SUGCT: variants seen among roughly 807,000 people sequenced by gnomAD.
SUGCT encodes succinyl-CoA:glutarate-CoA transferase, also known as succinyl-CoA:glutarate CoA-transferase.
In SUGCT, 41 loss-of-function variants were observed where a neutral mutation model predicts 55.0. The observed-to-expected ratio is 0.74, with a 90% CI of 0.58 to 0.97. SUGCT has a LOEUF of 0.97. Among genes scored for constraint, SUGCT ranks in the 50% least tolerant of loss-of-function variants. The pLI is 0.00. For missense variants in SUGCT, 568 were observed against 547.8 expected (o/e 1.04, Z -0.37); for synonymous variants, 187 against 200.4 (o/e 0.93, Z 0.56).
intron 12 of SUGCT, among the ~76,000 whole-genome samples, chr7:40,740,474 C>A (rs2128704103): frequency 6.6e-6 from 1 of 150,884 alleles, no homozygotes; most frequent in East Asian, 1.9e-4. Flanking sequence ...TCTAGAACTT[C>A]TAGTAATAAG....
At chr7:40,230,250 T>C (rs1001656374) in intron 6 of SUGCT, among the ~76,000 whole-genome samples, 1 of 152,152 alleles carries the variant, frequency 6.6e-6, no homozygotes, top group Admixed American at 6.5e-5. Context: ...ATGGCATGTA[T>C]AGAGGCCCAG....
intron 12 of SUGCT, among the ~76,000 whole-genome samples, chr7:40,719,777 AGTAGG>A (rs1786220924): frequency 1.3e-5 from 2 of 152,166 alleles, no homozygotes; most frequent in South Asian, 2.1e-4. Context: ...GACGTCACTT[AGTAGG>A]CAGAGCACAC....
At chr7:40,214,224 A>G (rs1787498434) in intron 6 of SUGCT, among the ~76,000 whole-genome samples, 2 of 152,088 alleles carry the variant, frequency 1.3e-5, no homozygotes, top group African/African-American at 4.8e-5. Context: ...TGCCTTCCAG[A>G]CTCTTCTGTC....
At position 40,241,479 on chromosome 7, in the gene SUGCT, T is replaced by C. The variant is rs374796875; in HGVS notation, c.576+3753T>C. On this transcript the variant is annotated intron_variant, in intron 7 of 13. Transcript: ENST00000335693. ...ATGTAATCCCAGCCACCCGGAAGGC[T>C]GAAGCAAGAGAATTGGTTGAACCCG... is the stretch of plus-strand genomic sequence containing the variant. 1.5e-4 allele frequency among the ~76,000 whole-genome samples: 22 copies of C among 149,404 alleles called. No individual in the cohort carries two copies. The South Asian group carries it at 4.6e-3, about 32-fold the overall frequency.
At chr7:40,634,391 G>A (rs1221041327) in intron 12 of SUGCT, among the ~76,000 whole-genome samples, 1 of 152,150 alleles carries the variant, frequency 6.6e-6, no homozygotes, top group Non-Finnish European at 1.5e-5. Flanking sequence ...AAATGATGTG[G>A]CCCAGAGAGG....
At chr7:40,200,024 C>T (rs1786503898) in intron 6 of SUGCT, among the ~76,000 whole-genome samples, 1 of 152,044 alleles carries the variant, frequency 6.6e-6, no homozygotes. Flanking sequence ...GAAGAGAGAA[C>T]CACAGAATTT....
intron 12 of SUGCT, among the ~76,000 whole-genome samples, chr7:40,596,999 G>A (rs1584091829): frequency 6.6e-6 from 1 of 152,288 alleles, no homozygotes; most frequent in Non-Finnish European, 1.5e-5. Flanking sequence ...GCATCCAGTG[G>A]ATGCGAAATG....
At chr7:41,025,098 T>C in the SUGCT span, among the ~76,000 whole-genome samples, 56 of 152,372 alleles carry the variant, frequency 3.7e-4, 1 homozygote, top group South Asian at 0.012. Context: ...GACATAATGC[T>C]ATCTAGTTAC....
intron 7 of SUGCT, among the ~76,000 whole-genome samples, chr7:40,271,995 T>G (rs1792051048): frequency 6.6e-6 from 1 of 151,206 alleles, no homozygotes; most frequent in Admixed American, 6.6e-5. Flanking sequence ...TCCATATTGT[T>G]GCAAATGACA....
At chr7:40,375,343 A>G (rs2151265298) in intron 9 of SUGCT, among the ~76,000 whole-genome samples, 1 of 152,330 alleles carries the variant, frequency 6.6e-6, no homozygotes, top group African/African-American at 2.4e-5. Context: ...CCATCTAATT[A>G]AGGCAAGTCC....
chr7:40,703,143 C>A (rs1388457560), intron 12 of SUGCT, among the ~76,000 whole-genome samples: 2 of 149,108 alleles, frequency 1.3e-5, no homozygotes, highest in Non-Finnish European at 3.0e-5. Flanking sequence ...CAGCTCACTG[C>A]AAACTCCGCC....
intron 12 of SUGCT, among the ~76,000 whole-genome samples, chr7:40,561,645 G>A (rs569554294): frequency 6.7e-6 from 1 of 150,210 alleles, no homozygotes; most frequent in South Asian, 2.1e-4. Context: ...GTGGGGAGGG[G>A]TTCACGGATG....
chr7:40,389,307 G>C (rs10263494), intron 9 of SUGCT, among the ~76,000 whole-genome samples: 5 of 151,966 alleles, frequency 3.3e-5, no homozygotes, highest in African/African-American at 1.2e-4. Context: ...AAATGAGCTG[G>C]GCACGGTGGC....
chr7:40,565,967 TCACACACACACACACACA>T (rs377518526), intron 12 of SUGCT, among the ~76,000 whole-genome samples: 1 of 134,694 alleles, frequency 7.4e-6, no homozygotes, highest in Non-Finnish European at 1.6e-5. Flanking sequence ...ACCTGGCATA[TCACACACACACACACACA>T]CACACACGCA....
the SUGCT span, among the ~76,000 whole-genome samples, chr7:40,898,008 G>T: frequency 2.0e-5 from 3 of 152,076 alleles, no homozygotes; most frequent in South Asian, 4.2e-4. Flanking sequence ...GTTCCCTTCC[G>T]GTGTGAAAGG....
chr7:40,739,368 G>A (rs188074973), intron 12 of SUGCT, among the ~76,000 whole-genome samples: 257 of 152,236 alleles, frequency 1.7e-3, no homozygotes, highest in Non-Finnish European at 2.9e-3. Context: ...TTGGATTGGT[G>A]TTTTTCACTC....
At chr7:40,874,085 G>A in the SUGCT span, among the ~76,000 whole-genome samples, 5 of 152,254 alleles carry the variant, frequency 3.3e-5, no homozygotes, top group Non-Finnish European at 7.3e-5. Flanking sequence ...TTTAGTTAAA[G>A]GAGCCATGTG....
intron 1 of SUGCT, among the ~76,000 whole-genome samples, chr7:40,157,149 T>C (rs531208391): frequency 1.3e-5 from 2 of 152,268 alleles, no homozygotes; most frequent in South Asian, 2.1e-4. Flanking sequence ...ACCCAGAGTG[T>C]TGGAGGCATT....
chr7:40,935,205 T>G, the SUGCT span, among the ~76,000 whole-genome samples: 1 of 152,242 alleles, frequency 6.6e-6, no homozygotes, highest in Non-Finnish European at 1.5e-5. Flanking sequence ...TATTTTCATG[T>G]GTTTTATAAT....
Sources: gnomAD v4.1 joint callset for allele counts (sites outside exome capture counted in the v4.1 genomes callset) on GRCh38, gnomAD v4.1.1 for gene constraint, MANE v1.5 for transcripts, NCBI Gene and HGNC (gene_info 2026-07-23, HGNC 2026-07-21) for gene names.